RBFOX1: variants seen among roughly 807,000 people sequenced by gnomAD.
The protein encoded by RBFOX1 is RNA binding protein fox-1 homolog 1.
In RBFOX1, 8 loss-of-function variants were observed where a neutral mutation model predicts 57.7. The ratio of observed to expected loss-of-function variants is 0.14; its 90% CI spans 0.08 to 0.25. RBFOX1 has a LOEUF of 0.25. Ranked by LOEUF, RBFOX1 falls within the 10% of genes least tolerant of loss-of-function variation. The probability of loss-of-function intolerance (pLI) is 1.00; values close to 1 mark genes in which losing one functional copy is unlikely to be tolerated. For missense variants in RBFOX1, 611 were observed against 548.5 expected, an observed-to-expected ratio of 1.11 and a Z score of -1.14; for synonymous variants, 326 against 222.4, an observed-to-expected ratio of 1.47 and a Z score of -4.15.
intron 3 of RBFOX1, among the ~76,000 whole-genome samples, chr16:6,791,906 AAC>A (rs2083035942): frequency 6.6e-6 from 1 of 152,190 alleles, no homozygotes; most frequent in Non-Finnish European, 1.5e-5. Flanking sequence ...TAAGTTATCT[AAC>A]ACAGAGAGAG....
intron 2 of RBFOX1, among the ~76,000 whole-genome samples, chr16:6,482,995 C>T (rs908022941): frequency 6.6e-6 from 1 of 152,206 alleles, no homozygotes; most frequent in African/African-American, 2.4e-5. Flanking sequence ...ATATTTAATG[C>T]CTGAAAGAAC....
chr16:7,563,627 T>G (rs951011562), intron 5 of RBFOX1, among the ~76,000 whole-genome samples: 33 of 151,928 alleles, frequency 2.2e-4, no homozygotes, highest in Non-Finnish European at 7.4e-5. Context: ...ACCACCACAC[T>G]TGGCTAATTT....
At chr16:6,210,463 C>T (rs577469224) in intron 1 of RBFOX1, among the ~76,000 whole-genome samples, 1 of 150,938 alleles carries the variant, frequency 6.6e-6, no homozygotes, top group East Asian at 1.9e-4. Flanking sequence ...GACACAGTGG[C>T]TCACTCCTAT....
At chr16:6,638,232 A>C (rs1025813468) in intron 2 of RBFOX1, among the ~76,000 whole-genome samples, 7 of 152,266 alleles carry the variant, frequency 4.6e-5, no homozygotes, top group African/African-American at 1.7e-4. Context: ...AGAGGGTGGA[A>C]AAACCAGACA....
intron 4 of RBFOX1, among the ~76,000 whole-genome samples, chr16:5,929,824 G>T (rs1311132285): frequency 2.0e-5 from 3 of 151,618 alleles, no homozygotes; most frequent in African/African-American, 7.3e-5. Flanking sequence ...AGCTGGCAAG[G>T]GAGTAGGCTA....
intron 2 of RBFOX1, among the ~76,000 whole-genome samples, chr16:6,550,947 G>A (rs1170750053): frequency 1.3e-5 from 2 of 152,198 alleles, no homozygotes; most frequent in Non-Finnish European, 2.9e-5. Flanking sequence ...GGGTCTGGCT[G>A]TGTTCACTTA....
chr16:5,733,407 G>A (rs774138361), intron 3 of RBFOX1, among the ~76,000 whole-genome samples: 7 of 152,212 alleles, frequency 4.6e-5, no homozygotes, highest in African/African-American at 1.4e-4. Flanking sequence ...CAGGTGATCC[G>A]AAGATCAACT....
chr16:7,093,626 T>C (rs1247190144), intron 4 of RBFOX1, among the ~76,000 whole-genome samples: 1 of 152,166 alleles, frequency 6.6e-6, no homozygotes, highest in Non-Finnish European at 1.5e-5. Flanking sequence ...AGTTAATGAA[T>C]GGGAGCTCAT....
chr16:6,731,351 G>A (rs919744318), intron 3 of RBFOX1, among the ~76,000 whole-genome samples: 1 of 152,102 alleles, frequency 6.6e-6, no homozygotes, highest in Non-Finnish European at 1.5e-5. Flanking sequence ...GTGGATCGTT[G>A]ATGTCTAGGG....
At chr16:6,541,245 C>T (rs184902352) in intron 2 of RBFOX1, among the ~76,000 whole-genome samples, 2 of 152,292 alleles carry the variant, frequency 1.3e-5, no homozygotes, top group East Asian at 1.9e-4. Flanking sequence ...GTAGTCTCTC[C>T]TGGAATAGCC....
chr16:6,059,511 T>C (rs7206006), intron 1 of RBFOX1, among the ~76,000 whole-genome samples: 83,304 of 152,004 alleles, frequency 0.55, 23,439 homozygotes, highest in Non-Finnish European at 0.62. Context: ...ACTCTGTATA[T>C]TTAAATGTAT....
At chr16:6,540,096 C>T (rs7203593) in intron 2 of RBFOX1, among the ~76,000 whole-genome samples, 68,033 of 151,870 alleles carry the variant, frequency 0.45, 15,614 homozygotes, top group Non-Finnish European at 0.5. Context: ...AGCAGGCTGC[C>T]CTCTGTCAGT....
rs78597889 is a variant in RBFOX1, at chr16:7,241,803, A to C, written c.27+189705A>C. The stretch of plus-strand genomic sequence containing the variant: ...TCTTTCAATCTGTCTATAAATGTAG[A>C]TACTCACATATACATATATGTTTAT... On this transcript the variant is annotated intron_variant, in intron 4 of 15. Coordinates refer to ENST00000550418, the MANE Select transcript of RBFOX1 (RefSeq NM_018723.4). 2.0e-3 allele frequency among the ~76,000 whole-genome samples: 303 copies of C among 151,366 alleles called. 10 individuals carry two copies. In the East Asian group the frequency reaches 0.045, roughly 22 times the overall value.
intron 4 of RBFOX1, among the ~76,000 whole-genome samples, chr16:7,314,860 T>C (rs73559858): frequency 0.021 from 3,248 of 152,276 alleles, 62 homozygotes; most frequent in African/African-American, 0.051. Context: ...TCTTTTTCAA[T>C]TTTTCACTGA....
chr16:6,808,191 T>TATATATATATATATATAG, intron 3 of RBFOX1, among the ~76,000 whole-genome samples: 1 of 151,120 alleles, frequency 6.6e-6, no homozygotes, highest in African/African-American at 2.4e-5. Context: ...TATATATATA[T>TATATATATATATATATAG]ATATATATAG....
At position 6,450,754 on chromosome 16, in the gene RBFOX1, C is replaced by T. The variant is rs868639653; in HGVS notation, c.-64+133697C>T. Reference sequence around the variant, plus strand: ...GGGGAATAAATTTTATATATATATACATATATATATGTGTATATATATATA... The same window carrying T: ...GGGGAATAAATTTTATATATATATATATATATATATGTGTATATATATATA... On this transcript the variant is annotated intron_variant, in intron 2 of 15. Transcript: ENST00000550418. Among the ~76,000 whole-genome samples the T allele has an allele frequency of 7.0e-4, 41 of 58,656 alleles. 1 individual carries two copies. The South Asian group carries it at 1.0e-2, about 14-fold the overall frequency. 38.5% of individuals were successfully genotyped at this position (58,656 alleles called of 152,430 possible). A position where few individuals can be genotyped will look rare whatever the true frequency, so the allele number is the denominator to read the frequency against.
At chr16:6,116,305 G>C (rs2096495315) in intron 1 of RBFOX1, among the ~76,000 whole-genome samples, 1 of 152,108 alleles carries the variant, frequency 6.6e-6, no homozygotes, top group Non-Finnish European at 1.5e-5. Context: ...CATTAGAAGA[G>C]ATCCCTAATG....
chr16:5,401,793 T>TCCTCCTCCTCCTCCTCCTC (rs200917305), intron 1 of RBFOX1, among the ~76,000 whole-genome samples: 1,607 of 148,848 alleles, frequency 0.011, 56 homozygotes, highest in Admixed American at 0.028. Flanking sequence ...CTCCTCCTCC[T>TCCTCCTCCTCCTCCTCCTC]CTTTCTCCTC....
intron 3 of RBFOX1, among the ~76,000 whole-genome samples, chr16:6,658,645 C>T (rs1257581916): frequency 6.6e-6 from 1 of 152,128 alleles, no homozygotes; most frequent in Non-Finnish European, 1.5e-5. Flanking sequence ...TCCCAGAAGC[C>T]TATTTTCTCT....
Sources: gnomAD v4.1 joint callset for allele counts (sites outside exome capture counted in the v4.1 genomes callset) on GRCh38, gnomAD v4.1.1 for gene constraint, MANE v1.5 for transcripts, NCBI Gene and HGNC (gene_info 2026-07-23, HGNC 2026-07-21) for gene names.